The following ATP2C1 variants were observed in gnomAD, a reference collection of about 807,000 sequenced individuals.
The protein encoded by ATP2C1 is calcium-transporting ATPase type 2C member 1.
Under a neutral mutation model 120.5 loss-of-function variants are expected in ATP2C1, and 31 were observed. That is an observed-to-expected ratio of 0.26 (90% confidence interval 0.19 to 0.35). The LOEUF (loss-of-function observed/expected upper bound fraction) is 0.35, where lower values mean the gene tolerates loss of function less well. ATP2C1 is among the 10% of genes least tolerant of loss of function. The probability of loss-of-function intolerance (pLI) is 1.00; values close to 1 mark genes in which losing one functional copy is unlikely to be tolerated. For synonymous variants in ATP2C1, 351 were observed against 358.7 expected, an observed-to-expected ratio of 0.98 and a Z score of 0.24; for missense variants, 731 against 1,107.5, an observed-to-expected ratio of 0.66 and a Z score of 4.83.
At chr3:130,942,423 C>A (rs2059963675) in intron 8 of ATP2C1, among the ~76,000 whole-genome samples, 1 of 152,214 alleles carries the variant, frequency 6.6e-6, no homozygotes, top group Admixed American at 6.5e-5. Flanking sequence ...TGGAGATAGG[C>A]ACCTAGTTTA....
intron 20 of ATP2C1, among the ~76,000 whole-genome samples, chr3:130,984,931 A>G (rs982413307): frequency 2.0e-5 from 3 of 152,210 alleles, no homozygotes; most frequent in Non-Finnish European, 2.9e-5. Flanking sequence ...AAGATATAAC[A>G]TAGGACTGTT....
chr3:130,852,865 C>T (rs927166958), intron 1 of ATP2C1, among the ~76,000 whole-genome samples: 2 of 152,198 alleles, frequency 1.3e-5, no homozygotes, highest in Non-Finnish European at 2.9e-5. Context: ...GCCCATGCAG[C>T]TAGAAAGTAC....
At chr3:130,996,275 G>T in intron 23 of ATP2C1, 164 bp downstream of exon 23, 4 of 647,154 alleles carry the variant, frequency 6.2e-6, no homozygotes, top group Non-Finnish European at 8.2e-6. Flanking sequence ...ATTTTAAATG[G>T]CATGATAAAT....
At chr3:130,891,543 A>G (rs907815717), upstream of ATP2C1, among the ~76,000 whole-genome samples, 1 of 152,238 alleles carries the variant, frequency 6.6e-6, no homozygotes, top group African/African-American at 2.4e-5. Flanking sequence ...GAGAGTAGAA[A>G]GAATTTTTAG....
At chr3:131,005,216 A>G (rs1341676637), downstream of ATP2C1, among the ~76,000 whole-genome samples, 1 of 150,704 alleles carries the variant, frequency 6.6e-6, no homozygotes, top group Non-Finnish European at 1.5e-5. Context: ...CCCAGGATCA[A>G]GCGATCCTCC....
intron 8 of ATP2C1, among the ~76,000 whole-genome samples, chr3:130,943,373 C>A (rs2060004238): frequency 6.6e-6 from 1 of 152,080 alleles, no homozygotes; most frequent in Non-Finnish European, 1.5e-5. Context: ...TGCCACCACG[C>A]CTGGCTAATT....
intron 1 of ATP2C1, among the ~76,000 whole-genome samples, chr3:130,861,511 C>T (rs915997660): frequency 6.6e-5 from 10 of 152,082 alleles, no homozygotes; most frequent in African/African-American, 2.4e-4. Context: ...GCCTTTTGGT[C>T]CTATTTGGGT....
At chr3:130,921,227 G>A (rs2058952752) in intron 2 of ATP2C1, among the ~76,000 whole-genome samples, 1 of 151,780 alleles carries the variant, frequency 6.6e-6, no homozygotes, top group South Asian at 2.1e-4. Flanking sequence ...GATTATAGGT[G>A]CCTGCCACCA....
At chr3:130,917,410 G>GATTT (rs1381427798) in intron 2 of ATP2C1, among the ~76,000 whole-genome samples, 4 of 152,082 alleles carry the variant, frequency 2.6e-5, no homozygotes, top group African/African-American at 9.7e-5. Flanking sequence ...AACGCCTTTG[G>GATTT]ATTTGTTTTA....
At chr3:130,893,320 C>T (rs180875491), upstream of ATP2C1, among the ~76,000 whole-genome samples, 1 of 152,298 alleles carries the variant, frequency 6.6e-6, no homozygotes, top group Admixed American at 6.5e-5. Context: ...CAGCCTCTCC[C>T]CAGTTCCATA....
Position 130,937,410 on chromosome 3 carries a change from C to A in ATP2C1, c.325-18C>A, listed in dbSNP as rs372028799. On this transcript the variant is annotated intron_variant, in intron 5 of 27. Coordinates refer to ENST00000510168, the MANE Select transcript of ATP2C1 (RefSeq NM_001378687.1). ...CTCAAGTTAATGTCTGATTTAAAAG[C>A]CTGTTTCTTTTGTTTAGGCAATACT... 8 of 1,610,448 alleles carry A rather than the reference C, an allele frequency of 5.0e-6. No homozygotes were observed. In the African/African-American group the frequency reaches 6.7e-5, roughly 13 times the overall value.
chr3:130,979,145 ATTTAT>A, intron 18 of ATP2C1, 99 bp from the exon 19 acceptor site: 3 of 1,083,398 alleles, frequency 2.8e-6, no homozygotes, highest in Non-Finnish European at 4.2e-6. Context: ...GTCTTAAGTG[ATTTAT>A]TTAAGAAGTG....
chr3:130,876,888 T>C (rs184656639), intron 1 of ATP2C1, among the ~76,000 whole-genome samples: 1 of 152,290 alleles, frequency 6.6e-6, no homozygotes, highest in Admixed American at 6.5e-5. Flanking sequence ...GGAATTGCTT[T>C]CTTGATTTCT....
At chr3:130,945,328 G>A (rs1473972351) in intron 8 of ATP2C1, among the ~76,000 whole-genome samples, 1 of 152,016 alleles carries the variant, frequency 6.6e-6, no homozygotes, top group Admixed American at 6.6e-5. Flanking sequence ...ATGTATGCCT[G>A]GATAACAGTA....
rs1337093175 is a variant in ATP2C1 at position 130,989,016 on chromosome 3, GCCGA to G, written c.1840-3934_1840-3931del. Among the ~76,000 whole-genome samples, 6 of 152,130 alleles carry G rather than the reference GCCGA, an allele frequency of 3.9e-5. No homozygotes were observed. In the East Asian group the frequency reaches 1.2e-3, roughly 29 times the overall value. On this transcript the variant is annotated intron_variant, in intron 20 of 27. Coordinates refer to ENST00000510168, the MANE Select transcript of ATP2C1 (RefSeq NM_001378687.1). ...ACCTGTAATTCCAGCACTTTGGGAG[GCCGA>G]GGCTGGTGGATCATAAGGTCAGGAG...
rs79497862 is a variant in ATP2C1, at chr3:130,974,327, T to C, written c.1414-1005T>C. Among the ~76,000 whole-genome samples the C allele has an allele frequency of 9.7e-3, 1,485 of 152,324 alleles. 15 individuals carry two copies. Among genetic ancestry groups the C allele is most frequent in the Non-Finnish European group, 0.011 (768 of 68,016 alleles). ...CTCCCTGTCCCCAAATATCTGCTCA[T>C]TGTAGTTACTTGGGAATGCAGGCAG... On this transcript the variant is annotated intron_variant, in intron 17 of 27. Coordinates refer to ENST00000510168, the MANE Select transcript of ATP2C1 (RefSeq NM_001378687.1).
At chr3:130,929,171 TCTC>T (rs1340888459) in intron 2 of ATP2C1, among the ~76,000 whole-genome samples, 2 of 152,190 alleles carry the variant, frequency 1.3e-5, no homozygotes, top group Non-Finnish European at 2.9e-5. Flanking sequence ...TTCACCGATA[TCTC>T]CTCATTAAAA....
intron 26 of ATP2C1, among the ~76,000 whole-genome samples, chr3:131,012,749 A>T (rs1577080861): frequency 6.6e-6 from 1 of 152,126 alleles, no homozygotes; most frequent in Non-Finnish European, 1.5e-5. Context: ...AAAATAATAA[A>T]AATTTCCTTA....
chr3:130,936,828 A>C (rs1186061503), intron 5 of ATP2C1, among the ~76,000 whole-genome samples: 4 of 150,838 alleles, frequency 2.7e-5, no homozygotes, highest in African/African-American at 9.7e-5. Flanking sequence ...AAAAAAAAAA[A>C]AAAAAAAACT....
Sources: allele counts gnomAD v4.1 joint callset (sites outside exome capture counted in the v4.1 genomes callset), GRCh38; gene constraint gnomAD v4.1.1; transcripts MANE v1.5; gene names NCBI Gene and HGNC (gene_info 2026-07-23, HGNC 2026-07-21).